The following FAM163B variants were observed in gnomAD, a reference collection of about 807,000 sequenced individuals.
The protein encoded by FAM163B is protein FAM163B.
In FAM163B, 4 loss-of-function variants were observed where a neutral mutation model predicts 7.6. That is an observed-to-expected ratio of 0.52 (90% CI 0.26 to 1.20). FAM163B has a LOEUF of 1.20. Among genes scored for constraint, FAM163B ranks in the 50% most tolerant of loss-of-function variants. The pLI is 0.14. For missense variants in FAM163B, 250 were observed against 243.0 expected, an observed-to-expected ratio of 1.03 and a Z score of -0.19; for synonymous variants, 120 against 111.6, an observed-to-expected ratio of 1.07 and a Z score of -0.47.
At position 133,579,255 on chromosome 9, in the gene FAM163B, G is replaced by A. The variant is rs1831311395; in HGVS notation, c.268C>T (p.Leu90Phe). ...TCGCAGTGGGAGCAGCTGCGGCAGA[G>A]GGCGCGGGCCTGCGGGGACTTCTGG... Reference protein sequence around the residue: ...FSQKSPQARALCRSCSHCEPP... With the variant: ...FSQKSPQARAFCRSCSHCEPP... Residue 90 changes from leucine (L) to phenylalanine (F), a missense_variant, in exon 3 of 3, where the codon CTC becomes TTC. Physicochemically the swap from Leu to Phe is conservative, Grantham distance 22. Coordinates refer to ENST00000673969, the MANE Select transcript of FAM163B (RefSeq NM_001080515.3). 3 of 1,612,460 alleles carry A rather than the reference G, an allele frequency of 1.9e-6. No individual in the cohort carries two copies. The South Asian group carries it at 3.3e-5, about 18-fold the overall frequency.
chr9:133,592,776 G>T (rs966017200), intron 1 of FAM163B, among the ~76,000 whole-genome samples: 2 of 152,126 alleles, frequency 1.3e-5, no homozygotes, highest in African/African-American at 4.8e-5. Flanking sequence ...CCAGGCCGGC[G>T]GGGGGGTCAG....
chr9:133,599,727 GTC>G (rs1831686363), intron 1 of FAM163B, among the ~76,000 whole-genome samples: 1 of 147,522 alleles, frequency 6.8e-6, no homozygotes, highest in Non-Finnish European at 1.5e-5. Flanking sequence ...GTGCATGTGT[GTC>G]TGTGTGCATG....
At chr9:133,586,409 G>A (rs1335239875) in intron 1 of FAM163B, among the ~76,000 whole-genome samples, 3 of 152,204 alleles carry the variant, frequency 2.0e-5, no homozygotes, top group Non-Finnish European at 4.4e-5. Context: ...GTGGGGAGCT[G>A]GTGTCTGGAA....
chr9:133,577,087 A>T lies in FAM163B; in HGVS notation c.*1935T>A, dbSNP rs1478487569. Among the ~76,000 whole-genome samples the T allele has an allele frequency of 5.9e-5, 9 of 152,252 alleles. No homozygotes were observed. The highest frequency in any genetic ancestry group is 1.9e-4 in the African/African-American group (8 of 41,560). On this transcript the variant is annotated 3_prime_UTR_variant, in exon 3 of 3. Coordinates refer to ENST00000673969, the MANE Select transcript of FAM163B (RefSeq NM_001080515.3). ...GGAAGACGCTGCACGAGAGTGTGGGAGATGTTTTATTGGCTTTCACTTTCC... is the reference window on the plus strand; with the variant it reads ...GGAAGACGCTGCACGAGAGTGTGGGTGATGTTTTATTGGCTTTCACTTTCC...
At chr9:133,597,399 T>A (rs1158248730) in intron 1 of FAM163B, among the ~76,000 whole-genome samples, 1 of 152,062 alleles carries the variant, frequency 6.6e-6, no homozygotes, top group Non-Finnish European at 1.5e-5. Flanking sequence ...AAAACATTAG[T>A]GAACTTGCAG....
intron 1 of FAM163B, among the ~76,000 whole-genome samples, chr9:133,603,988 T>C (rs1831760813): frequency 2.0e-5 from 3 of 152,270 alleles, no homozygotes; most frequent in Admixed American, 6.5e-5. Context: ...TACAGGCGCA[T>C]GCCACCACGC....
intron 1 of FAM163B, among the ~76,000 whole-genome samples, chr9:133,591,226 TG>T (rs1022995520): frequency 6.6e-6 from 1 of 152,226 alleles, no homozygotes; most frequent in Non-Finnish European, 1.5e-5. Flanking sequence ...TGCTATGCCC[TG>T]GCACTGGGCC....
chr9:133,606,131 G>T lies in FAM163B; in HGVS notation c.-24+2946C>A, dbSNP rs1281877556. 6.6e-6 allele frequency among the ~76,000 whole-genome samples: 1 copy of T among 152,168 alleles called. No individual in the cohort carries two copies. Among genetic ancestry groups the T allele is most frequent in the African/African-American group, 2.4e-5 (1 of 41,438 alleles). ...CTGATGAGGCCCGAGGGAAGGAGGA[G>T]GCACAGTCTCCATTTTCCAGCCCAA... On this transcript the variant is annotated intron_variant, in intron 1 of 2. Transcript: ENST00000673969. This position sits in a 1 kb window ranked among gnomAD's most constrained non-coding sequence, Gnocchi z 4.0.
Position 133,579,055 on chromosome 9 carries a change from G to A in FAM163B, c.468C>T (p.Phe156=), listed in dbSNP as rs770755862. 24 of 1,575,786 alleles carry A rather than the reference G, an allele frequency of 1.5e-5. No homozygotes were observed. The highest frequency in any genetic ancestry group is 8.1e-5 in the African/African-American group (6 of 73,998). Reference sequence around the variant, plus strand: ...CGGTGCTGATGCTGCGGCTCCTGGCGAAGGCCTCCCGCATGGCTGAGAGGC... The same window carrying A: ...CGGTGCTGATGCTGCGGCTCCTGGCAAAGGCCTCCCGCATGGCTGAGAGGC... ...PNRLSAMREA[F]ARSRSISTDV Residue 156 remains phenylalanine, a synonymous_variant, in exon 3 of 3, where the codon TTC becomes TTT. Coordinates refer to ENST00000673969, the MANE Select transcript of FAM163B (RefSeq NM_001080515.3).
chr9:133,604,509 A>G (rs1831766954), intron 1 of FAM163B, among the ~76,000 whole-genome samples: 1 of 152,020 alleles, frequency 6.6e-6, no homozygotes, highest in East Asian at 1.9e-4. Flanking sequence ...CCAACCAACA[A>G]AAGCTGAATA....
intron 1 of FAM163B, among the ~76,000 whole-genome samples, chr9:133,582,784 C>T (rs1426340096): frequency 7.9e-5 from 12 of 152,224 alleles, no homozygotes; most frequent in African/African-American, 2.2e-4. Flanking sequence ...AGACACTGGC[C>T]GGTCCCTGCT....
rs905554131 is a variant in FAM163B at position 133,578,768 on chromosome 9, C to T, written c.*254G>A. 7.0e-6 allele frequency: 4 copies of T among 567,706 alleles called. No homozygotes were observed. In the East Asian group the frequency reaches 9.4e-5, roughly 13 times the overall value. 35.2% of individuals were successfully genotyped at this position (567,706 alleles called of 1,614,324 possible). ...CCTGAGAGCCCTGGTGCATGCCCAGCCGGCTGTATGGTCACCTGGTCCTTC... is the reference window on the plus strand; with the variant it reads ...CCTGAGAGCCCTGGTGCATGCCCAGTCGGCTGTATGGTCACCTGGTCCTTC... On this transcript the variant is annotated 3_prime_UTR_variant, in exon 3 of 3. Coordinates refer to ENST00000673969, the MANE Select transcript of FAM163B (RefSeq NM_001080515.3).
intron 2 of FAM163B, among the ~76,000 whole-genome samples, 160 bp from the exon 3 acceptor site, chr9:133,579,589 G>A (rs747695709): frequency 1.2e-4 from 18 of 152,238 alleles, no homozygotes; most frequent in Non-Finnish European, 2.1e-4. Flanking sequence ...AGTGCTATGG[G>A]TCTCACTCAG....
chr9:133,581,497 A>T (rs1831355369), intron 1 of FAM163B, among the ~76,000 whole-genome samples: 1 of 152,178 alleles, frequency 6.6e-6, no homozygotes, highest in Non-Finnish European at 1.5e-5. Flanking sequence ...AGGATTTTAA[A>T]AAAATTACCC....
intron 1 of FAM163B, among the ~76,000 whole-genome samples, chr9:133,590,266 C>CCTTTTTTCTTTT (rs144521972): frequency 0.22 from 30,942 of 140,970 alleles, 4,297 homozygotes; most frequent in East Asian, 0.45. Context: ...CTCCTTCCTT[C>CCTTTTTTCTTTT]CTTTTTTCTT....
chr9:133,580,836 A>G (rs1363368626), intron 1 of FAM163B, among the ~76,000 whole-genome samples: 10 of 152,376 alleles, frequency 6.6e-5, no homozygotes, highest in African/African-American at 2.2e-4. Context: ...GCGGCTTAGT[A>G]GCATGAATTA....
chr9:133,590,070 TCCCTTCCCCTTCCCCTTC>T (rs1564193444), intron 1 of FAM163B, among the ~76,000 whole-genome samples: 12 of 14,512 alleles, frequency 8.3e-4, no homozygotes, highest in Admixed American at 1.6e-3. Context: ...CCCTTCCCCT[TCCCTTCCCCTTCCCCTTC>T]CCTTCCCCTT....
intron 1 of FAM163B, among the ~76,000 whole-genome samples, chr9:133,594,349 C>T (rs768568226): frequency 6.6e-6 from 1 of 152,168 alleles, no homozygotes; most frequent in African/African-American, 2.4e-5. Flanking sequence ...TTAGACTTGT[C>T]TGGGTAAGAG....
rs143985952 is a variant in FAM163B at position 133,599,259 on chromosome 9, C to T, written c.-24+9818G>A. On this transcript the variant is annotated intron_variant, in intron 1 of 2. Coordinates refer to ENST00000673969, the MANE Select transcript of FAM163B (RefSeq NM_001080515.3). Reference sequence around the variant, plus strand: ...CCACTCCTTGCATGGTCAGGTCAGGCTGCTGCTCAGCTCTCAGCTCAGACG... The same window carrying T: ...CCACTCCTTGCATGGTCAGGTCAGGTTGCTGCTCAGCTCTCAGCTCAGACG... Among the ~76,000 whole-genome samples the T allele has an allele frequency of 5.3e-3, 811 of 152,304 alleles. 6 individuals are homozygous for T. Among genetic ancestry groups the T allele is most frequent in the African/African-American group, 0.019 (776 of 41,554 alleles).
Sources: gnomAD v4.1 joint callset for allele counts (sites outside exome capture counted in the v4.1 genomes callset) on GRCh38, gnomAD v4.1.1 for gene constraint, Gnocchi (gnomAD v3.1) non-coding constraint, MANE v1.5 for transcripts, NCBI Gene and HGNC (gene_info 2026-07-23, HGNC 2026-07-21) for gene names.